The following PHACTR1 variants were observed in gnomAD, a reference collection of about 807,000 sequenced individuals.
PHACTR1 encodes the protein phosphatase and actin regulator 1.
In PHACTR1, 16 loss-of-function variants were observed where a neutral mutation model predicts 69.2. That is an observed-to-expected ratio of 0.23 (90% CI 0.16 to 0.35). The LOEUF is 0.35. Ranked by LOEUF, PHACTR1 falls within the 10% of genes least tolerant of loss-of-function variation. PHACTR1 has a pLI of 1.00. For missense variants in PHACTR1, 510 were observed against 734.7 expected, an observed-to-expected ratio of 0.69 and a Z score of 3.54; for synonymous variants, 312 against 284.5, an observed-to-expected ratio of 1.10 and a Z score of -0.97.
chr6:13,196,751 G>T (rs984410088), intron 7 of PHACTR1, among the ~76,000 whole-genome samples: 1 of 152,130 alleles, frequency 6.6e-6, no homozygotes, highest in African/African-American at 2.4e-5. Context: ...GATGTAGTGC[G>T]GTGTGCATCA....
rs9472615 is a variant in PHACTR1 at position 12,809,420 on chromosome 6, G to C, written c.250+59630G>C. On this transcript the variant is annotated intron_variant, in intron 4 of 14. Transcript: ENST00000332995. ...AATCCTAGTACTCTGCCCTAAGAAG[G>C]CCCAGTGAAACCTCAGTTATTCACA... 9.5e-3 allele frequency among the ~76,000 whole-genome samples: 1,448 copies of C among 152,130 alleles called. 28 individuals carry two copies. The highest frequency in any genetic ancestry group is 0.033 in the African/African-American group (1,373 of 41,484).
chr6:12,887,533 T>C (rs1482588494), intron 4 of PHACTR1, among the ~76,000 whole-genome samples: 1 of 152,116 alleles, frequency 6.6e-6, no homozygotes, highest in Non-Finnish European at 1.5e-5. Flanking sequence ...AACATCACCT[T>C]CTCAGTCAGA....
At chr6:13,066,977 G>C (rs1389021255) in intron 5 of PHACTR1, among the ~76,000 whole-genome samples, 1 of 152,182 alleles carries the variant, frequency 6.6e-6, no homozygotes, top group Non-Finnish European at 1.5e-5. Context: ...AAACAAGGGT[G>C]TGGATGCCAG....
chr6:13,070,098 G>A (rs1809279010), intron 5 of PHACTR1, among the ~76,000 whole-genome samples: 3 of 152,088 alleles, frequency 2.0e-5, no homozygotes, highest in South Asian at 4.1e-4. Context: ...CCCTCCAATA[G>A]CACCCTGACT....
At chr6:12,926,840 C>G (rs529829955) in intron 4 of PHACTR1, among the ~76,000 whole-genome samples, 87 of 152,368 alleles carry the variant, frequency 5.7e-4, no homozygotes, top group African/African-American at 1.9e-3. Flanking sequence ...AGACCAATCT[C>G]TTTTGTGCAG....
intron 4 of PHACTR1, among the ~76,000 whole-genome samples, chr6:12,878,150 G>A (rs1782727789): frequency 6.6e-6 from 1 of 152,206 alleles, no homozygotes; most frequent in African/African-American, 2.4e-5. Flanking sequence ...CGGTGAATAT[G>A]TATTAAACAA....
intron 5 of PHACTR1, among the ~76,000 whole-genome samples, chr6:13,121,881 G>A (rs1376012005): frequency 6.6e-6 from 1 of 152,136 alleles, no homozygotes; most frequent in African/African-American, 2.4e-5. Flanking sequence ...TTGGGAACAG[G>A]GACTTACTGA....
chr6:12,823,339 C>T (rs1776424575), intron 4 of PHACTR1, among the ~76,000 whole-genome samples: 1 of 152,178 alleles, frequency 6.6e-6, no homozygotes, highest in Non-Finnish European at 1.5e-5. Flanking sequence ...AAAATCAACA[C>T]ACAGTGAATT....
At chr6:12,824,953 A>G (rs1157823469) in intron 4 of PHACTR1, among the ~76,000 whole-genome samples, 4 of 152,168 alleles carry the variant, frequency 2.6e-5, no homozygotes, top group East Asian at 1.9e-4. Context: ...TGTAAAATCA[A>G]TGGAAAAGGT....
intron 4 of PHACTR1, among the ~76,000 whole-genome samples, chr6:12,796,446 T>A (rs888283687): frequency 6.6e-6 from 1 of 152,230 alleles, no homozygotes; most frequent in African/African-American, 2.4e-5. Flanking sequence ...ATCAGCATAG[T>A]AATGCTATGC....
At chr6:13,153,959 A>G (rs746105787) in intron 5 of PHACTR1, among the ~76,000 whole-genome samples, 10 of 152,172 alleles carry the variant, frequency 6.6e-5, no homozygotes, top group African/African-American at 9.7e-5. Context: ...TTTTGCTATT[A>G]CAGGCATTTT....
At chr6:13,260,822 A>T (rs1377862856) in intron 10 of PHACTR1, among the ~76,000 whole-genome samples, 1 of 152,208 alleles carries the variant, frequency 6.6e-6, no homozygotes, top group Non-Finnish European at 1.5e-5. Flanking sequence ...TAATAGAGAA[A>T]GGTTTAGTAA....
At chr6:13,027,737 G>A (rs543997520) in intron 4 of PHACTR1, among the ~76,000 whole-genome samples, 41 of 152,094 alleles carry the variant, frequency 2.7e-4, no homozygotes, top group African/African-American at 9.6e-4. Flanking sequence ...GTGCAGTGGT[G>A]CAATCTAGGC....
At chr6:12,741,000 C>T (rs1764959062) in intron 3 of PHACTR1, among the ~76,000 whole-genome samples, 1 of 151,396 alleles carries the variant, frequency 6.6e-6, no homozygotes, top group African/African-American at 2.4e-5. Context: ...TTTTAATTTC[C>T]TTGACCTGCT....
At chr6:12,790,295 T>C (rs1464189787) in intron 4 of PHACTR1, among the ~76,000 whole-genome samples, 1 of 152,168 alleles carries the variant, frequency 6.6e-6, no homozygotes, top group African/African-American at 2.4e-5. Flanking sequence ...CCCTGCTCAC[T>C]TACCCTGATG....
At chr6:12,975,316 T>C (rs906060040) in intron 4 of PHACTR1, among the ~76,000 whole-genome samples, 12 of 152,222 alleles carry the variant, frequency 7.9e-5, no homozygotes, top group African/African-American at 2.9e-4. Flanking sequence ...AGCTACACGT[T>C]AAAGAAGAGC....
chr6:13,022,203 A>G (rs1801073643), intron 4 of PHACTR1, among the ~76,000 whole-genome samples: 1 of 152,266 alleles, frequency 6.6e-6, no homozygotes, highest in Non-Finnish European at 1.5e-5. Flanking sequence ...CAAACCGTCA[A>G]TTCATTGAAA....
intron 4 of PHACTR1, among the ~76,000 whole-genome samples, chr6:12,803,612 C>T (rs1773956370): frequency 6.6e-6 from 1 of 152,198 alleles, no homozygotes; most frequent in South Asian, 2.1e-4. Flanking sequence ...CCAAACAAAG[C>T]CACACATATC....
chr6:13,142,011 G>A (rs1313902544), intron 5 of PHACTR1, among the ~76,000 whole-genome samples: 1 of 152,132 alleles, frequency 6.6e-6, no homozygotes, highest in Non-Finnish European at 1.5e-5. Flanking sequence ...GTCTTGCCAT[G>A]CAAGGGGAGA....
Sources: allele counts gnomAD v4.1 joint callset (sites outside exome capture counted in the v4.1 genomes callset), GRCh38; gene constraint gnomAD v4.1.1; transcripts MANE v1.5; gene names NCBI Gene and HGNC (gene_info 2026-07-23, HGNC 2026-07-21).